The following ARHGAP26 variants were observed in gnomAD, a reference collection of about 807,000 sequenced individuals.
ARHGAP26 encodes the protein rho GTPase-activating protein 26.
A neutral mutation model predicts 104.8 loss-of-function variants in ARHGAP26; 38 were observed. The ratio of observed to expected loss-of-function variants is 0.36; its 90% CI spans 0.28 to 0.48. ARHGAP26 has a LOEUF of 0.48. ARHGAP26 is among the 20% of genes least tolerant of loss of function. The pLI, the probability that ARHGAP26 is intolerant of heterozygous loss-of-function variation, is 0.99. For synonymous variants in ARHGAP26, 341 were observed against 340.0 expected, an observed-to-expected ratio of 1.00 and a Z score of -0.03; for missense variants, 704 against 947.9, an observed-to-expected ratio of 0.74 and a Z score of 3.38.
chr5:142,964,145 A>C (rs1352182471), intron 11 of ARHGAP26, among the ~76,000 whole-genome samples: 1 of 152,214 alleles, frequency 6.6e-6, no homozygotes, highest in East Asian at 1.9e-4. Context: ...AACTGAAGTA[A>C]GACATATGAT....
intron 20 of ARHGAP26, among the ~76,000 whole-genome samples, chr5:143,149,659 C>A (rs187556996): frequency 6.6e-6 from 1 of 152,160 alleles, no homozygotes; most frequent in Admixed American, 6.6e-5. Context: ...TCACCTGAGA[C>A]GACTTGGGTC....
chr5:143,074,043 A>G lies in ARHGAP26; in HGVS notation c.1538+16296A>G, dbSNP rs574431591. Among the ~76,000 whole-genome samples the G allele has an allele frequency of 6.6e-5, 10 of 152,330 alleles. No homozygotes were observed. In the East Asian group the frequency reaches 1.9e-3, roughly 29 times the overall value. ...AGTAGGCAGCAGAGAGAAAGAATAC[A>G]TTTTAGCAATGTAGAAATGGTGGTA... On this transcript the variant is annotated intron_variant, in intron 17 of 22. Coordinates refer to ENST00000645722, the MANE Select transcript of ARHGAP26 (RefSeq NM_001135608.3).
At chr5:143,045,810 C>T (rs2578596) in intron 14 of ARHGAP26, among the ~76,000 whole-genome samples, 74,350 of 151,956 alleles carry the variant, frequency 0.49, 22,546 homozygotes, top group African/African-American at 0.85. Context: ...GCAGCCAGGC[C>T]AACATGGTGA....
chr5:142,945,085 C>T (rs1165232331), intron 11 of ARHGAP26, among the ~76,000 whole-genome samples: 1 of 152,170 alleles, frequency 6.6e-6, no homozygotes, highest in East Asian at 1.9e-4. Flanking sequence ...TCTCTGACAA[C>T]AGCCAGTAAC....
At chr5:142,822,352 G>A (rs1281473142) in intron 1 of ARHGAP26, among the ~76,000 whole-genome samples, 3 of 152,202 alleles carry the variant, frequency 2.0e-5, no homozygotes, top group Admixed American at 6.5e-5. Flanking sequence ...TGTTAATCTC[G>A]AAAGGGGAAG....
chr5:143,094,102 C>T (rs1791906312), intron 17 of ARHGAP26, among the ~76,000 whole-genome samples: 1 of 152,252 alleles, frequency 6.6e-6, no homozygotes. Flanking sequence ...TTCACCACCA[C>T]TCCCCCGCCC....
intron 20 of ARHGAP26, among the ~76,000 whole-genome samples, chr5:143,167,216 C>G (rs1802084492): frequency 1.3e-5 from 2 of 149,998 alleles, no homozygotes; most frequent in African/African-American, 4.9e-5. Context: ...CTTGTAATGT[C>G]AGCATGTTCG....
chr5:142,916,231 A>G (rs550490170), intron 10 of ARHGAP26, among the ~76,000 whole-genome samples: 19 of 152,366 alleles, frequency 1.2e-4, no homozygotes. Context: ...GACTTAGAAT[A>G]TGGGATATTG....
At chr5:142,844,547 G>A (rs1771518975) in intron 1 of ARHGAP26, among the ~76,000 whole-genome samples, 1 of 151,892 alleles carries the variant, frequency 6.6e-6, no homozygotes, top group Admixed American at 6.6e-5. Context: ...GGACCTTCTA[G>A]AGCTCTTTGA....
intron 1 of ARHGAP26, among the ~76,000 whole-genome samples, chr5:142,853,979 T>G (rs889976906): frequency 1.3e-5 from 2 of 152,222 alleles, no homozygotes; most frequent in Non-Finnish European, 2.9e-5. Flanking sequence ...GTGGTGTGTT[T>G]CCTGTAGCTA....
chr5:142,893,915 C>T (rs1203874414), intron 5 of ARHGAP26, among the ~76,000 whole-genome samples: 2 of 148,834 alleles, frequency 1.3e-5, no homozygotes, highest in African/African-American at 4.9e-5. Context: ...GATCTCCTGC[C>T]CACTTTTTAA....
chr5:143,135,081 A>G (rs911039105), intron 19 of ARHGAP26, among the ~76,000 whole-genome samples: 3 of 152,358 alleles, frequency 2.0e-5, no homozygotes, highest in Admixed American at 2.0e-4. Context: ...GTGACTACAA[A>G]TGTGAGTCAG....
At chr5:142,963,198 A>ATATATGTGTGTGTGTGTGTGTGTGTGTG (rs869247749) in intron 11 of ARHGAP26, among the ~76,000 whole-genome samples, 2 of 98,328 alleles carry the variant, frequency 2.0e-5, no homozygotes, top group Admixed American at 9.6e-5. Context: ...ATATATATAT[A>ATATATGTGTGTGTGTGTGTGTGTGTGTG]TGTGTGTGTG....
At chr5:143,000,662 T>C (rs1219476005) in intron 11 of ARHGAP26, among the ~76,000 whole-genome samples, 1 of 151,996 alleles carries the variant, frequency 6.6e-6, no homozygotes, top group African/African-American at 2.4e-5. Flanking sequence ...ATAAAGAAAA[T>C]GGGGCACATA....
intron 20 of ARHGAP26, among the ~76,000 whole-genome samples, chr5:143,204,262 C>G (rs977715769): frequency 6.6e-6 from 1 of 151,988 alleles, no homozygotes; most frequent in African/African-American, 2.4e-5. Flanking sequence ...GTGGCTCATG[C>G]CTGTAATTCC....
chr5:142,937,945 C>T (rs992194698), intron 11 of ARHGAP26, among the ~76,000 whole-genome samples: 6 of 151,920 alleles, frequency 3.9e-5, no homozygotes, highest in Non-Finnish European at 7.4e-5. Context: ...TGGAATAGTT[C>T]TGTGTTTTGA....
At chr5:142,821,098 C>T (rs1766072270) in intron 1 of ARHGAP26, among the ~76,000 whole-genome samples, 1 of 152,168 alleles carries the variant, frequency 6.6e-6, no homozygotes, top group Admixed American at 6.5e-5. Context: ...AGCTATATTA[C>T]AGAGCTTCTT....
In ARHGAP26 at chr5:143,134,017, G is replaced by A; in HGVS notation, c.1749G>A (p.Leu583=). The A allele has an allele frequency of 6.2e-7, 1 of 1,613,100 alleles. No homozygotes were observed. The change falls in exon 19 of 23, where the codon CTG becomes CTA. Residue 583 remains leucine, a synonymous_variant. Coordinates refer to ENST00000645722, the MANE Select transcript of ARHGAP26 (RefSeq NM_001135608.3). ...CTCTCACCAATGCCCAGCTGCACCTGTCTCGGAAGAAGAGCAGTGACTCCA... is the reference window on the plus strand; with the variant it reads ...CTCTCACCAATGCCCAGCTGCACCTATCTCGGAAGAAGAGCAGTGACTCCA... The part of the protein sequence containing the change: ...DMPLTNAQLH[L]SRKKSSDSKP...
Position 143,223,535 on chromosome 5 carries a change from A to G in ARHGAP26, c.*1089A>G, listed in dbSNP as rs1056733369. 8.6e-6 allele frequency: 2 copies of G among 232,288 alleles called. No homozygotes were observed. The highest frequency in any genetic ancestry group is 2.2e-5 in the African/African-American group (1 of 45,252). The allele number at this position is 232,288 out of a possible 1,614,324, so 14.4% of individuals were successfully genotyped here. ...TTTCCCCATGTCCTCCCATTCACCC[A>G]TCTCTGCTCCCACCCTTGCCTGCCT... On this transcript the variant is annotated 3_prime_UTR_variant, in exon 23 of 23. Coordinates refer to ENST00000645722, the MANE Select transcript of ARHGAP26 (RefSeq NM_001135608.3).
Sources: gnomAD v4.1 joint callset for allele counts (sites outside exome capture counted in the v4.1 genomes callset) on GRCh38, gnomAD v4.1.1 for gene constraint, MANE v1.5 for transcripts, NCBI Gene and HGNC (gene_info 2026-07-23, HGNC 2026-07-21) for gene names.